Variants in SHROOM1 observed in about 807,000 individuals in gnomAD.
SHROOM1 encodes shroom family member 1.
SHROOM1 carries 53 observed loss-of-function variants against 64.2 expected under a neutral mutation model. The observed-to-expected ratio is 0.83, with a 90% CI of 0.66 to 1.04. The LOEUF (loss-of-function observed/expected upper bound fraction) is 1.04. SHROOM1 is among the 50% of genes least tolerant of loss of function. SHROOM1 has a pLI of 0.00. For synonymous variants in SHROOM1, 490 were observed against 518.9 expected (o/e 0.94, Z 0.76); for missense variants, 1,179 against 1,163.2 (o/e 1.01, Z -0.20).
rs558427750 is a variant in SHROOM1, at chr5:132,825,738, G to T, written c.403C>A (p.Pro135Thr). 3 of 1,264,084 alleles carry T rather than the reference G, an allele frequency of 2.4e-6. No homozygotes were observed. The allele number at this position is 1,264,084 out of a possible 1,614,324, so 78.3% of individuals were successfully genotyped here. ...AAQAAEPPSP[P>T]ASRAAYRQRL... ...TGGCGGTAGGCGGCCCTCGAGGCCG[G>T]CGGGCTGGGCGGCTCGGCAGCCTGC... Residue 135 changes from proline to threonine, a missense_variant, in exon 4 of 10, where the codon CCG becomes ACG. By Grantham distance (38) the Pro-to-Thr change is conservative. Coordinates refer to ENST00000378679, the MANE Select transcript of SHROOM1 (RefSeq NM_001172700.2). This position sits in a 1 kb window ranked among gnomAD's most constrained non-coding sequence, Gnocchi z 5.1.
In SHROOM1 at chr5:132,823,528, G is replaced by C; in HGVS notation, c.1954-6C>G. 3.1e-6 allele frequency: 5 copies of C among 1,596,502 alleles called. No homozygotes were observed. Among genetic ancestry groups the C allele is most frequent in the Non-Finnish European group, 4.3e-6 (5 of 1,167,526 alleles). On this transcript the variant is annotated splice_polypyrimidine_tract_variant and splice_region_variant and intron_variant, in intron 8 of 9. Transcript: ENST00000378679. The surrounding 1 kb of genome is among the most constrained non-coding windows in gnomAD (Gnocchi z 4.6). ...AGGCGGGCGGCCAGCTCCACCTACA[G>C]GGAAGGCTCAAGGCTGGGGCCAGGC...
In SHROOM1 at chr5:132,822,940, G is replaced by A; in HGVS notation, c.2415C>T (p.Asn805=). Residue 805 remains asparagine (N), a synonymous_variant, in exon 10 of 10, where the codon AAC becomes AAT. Coordinates refer to ENST00000378679, the MANE Select transcript of SHROOM1 (RefSeq NM_001172700.2). ...GKAAVLAQQR[N]LDERIRLLQD... ...GAAGGAGGCGGATGCGCTCGTCCAGGTTGCGCTGCTGGGCCAGGACGGCGG... is the reference window on the plus strand; with the variant it reads ...GAAGGAGGCGGATGCGCTCGTCCAGATTGCGCTGCTGGGCCAGGACGGCGG... The A allele has an allele frequency of 6.2e-7, 1 of 1,612,608 alleles. No homozygotes were observed. Among genetic ancestry groups the A allele is most frequent in the South Asian group, 1.1e-5 (1 of 91,084 alleles).
rs962231218 is a variant in SHROOM1 at position 132,823,108 on chromosome 5, G to A, written c.2247C>T (p.Leu749=). The A allele has an allele frequency of 1.3e-6, 2 of 1,577,110 alleles. No homozygotes were observed. The highest frequency in any genetic ancestry group is 2.3e-5 in the South Asian group (2 of 88,282). The change falls in exon 10 of 10, where the codon CTC becomes CTT. Residue 749 remains leucine (L), a synonymous_variant. Transcript: ENST00000378679. This position sits in a 1 kb window ranked among gnomAD's most constrained non-coding sequence, Gnocchi z 4.6. The stretch of plus-strand genomic sequence containing the variant: ...CCTCCTCCTGCCGCTGCAGGAGCCG[G>A]AGTCGCTGCAGCAGGGAGGCCTTGA... The part of the protein sequence containing the change: ...PDEQASLLQR[L]RLLQRQEEDA...
rs536705045 is a variant in SHROOM1, at chr5:132,824,680, T to C, written c.1176A>G (p.Glu392=). 1.2e-6 allele frequency: 2 copies of C among 1,614,008 alleles called. No individual in the cohort carries two copies. Among genetic ancestry groups the C allele is most frequent in the Admixed American group, 1.7e-5 (1 of 60,028 alleles). Residue 392 remains glutamate, a synonymous_variant, in exon 6 of 10, where the codon GAA becomes GAG. Coordinates refer to ENST00000378679, the MANE Select transcript of SHROOM1 (RefSeq NM_001172700.2). The part of the protein sequence containing the change: ...LPSLPDEVFL[E]EAPLVRMRSP... The stretch of plus-strand genomic sequence containing the variant: ...ATCTCATTCTGACCAGTGGGGCCTC[T>C]TCTAGGAACACTTCATCAGGAAGGG...
Position 132,825,526 on chromosome 5 carries a change from C to G in SHROOM1, c.615G>C (p.Ala205=). 1 of 1,462,128 alleles carries G rather than the reference C, an allele frequency of 6.8e-7. No individual in the cohort carries two copies. The highest frequency in any genetic ancestry group is 9.0e-7 in the Non-Finnish European group (1 of 1,114,932). 90.6% of individuals were successfully genotyped at this position (1,462,128 alleles called of 1,614,324 possible). A position where few individuals can be genotyped will look rare whatever the true frequency, so the allele number is the denominator to read the frequency against. ...GGGGACCCCGGCCGGCAGTTCCTGGCGCGGGAGCCCGGGAGCGCGCCGGCT... is the reference window on the plus strand; with the variant it reads ...GGGGACCCCGGCCGGCAGTTCCTGGGGCGGGAGCCCGGGAGCGCGCCGGCT... The part of the protein sequence containing the change: ...EGEPARSRAP[A]PGTAGRGPLA... The change falls in exon 4 of 10, where the codon GCG becomes GCC. Residue 205 remains alanine (A), a synonymous_variant. Transcript: ENST00000378679. This position sits in a 1 kb window ranked among gnomAD's most constrained non-coding sequence, Gnocchi z 5.1.
At position 132,830,615 on chromosome 5, in the gene SHROOM1, G is replaced by A; in HGVS notation, c.-522C>T. 4 of 985,160 alleles carry A rather than the reference G, an allele frequency of 4.1e-6. No homozygotes were observed. Among genetic ancestry groups the A allele is most frequent in the Non-Finnish European group, 4.8e-6 (4 of 829,828 alleles). 61.0% of individuals were successfully genotyped at this position (985,160 alleles called of 1,614,324 possible). Reference sequence around the variant, plus strand: ...GTACCTGAGGCTCCCGCCGAGACGCGCTCCTGGGCCGTCGCAGCCGCGCGG... The same window carrying A: ...GTACCTGAGGCTCCCGCCGAGACGCACTCCTGGGCCGTCGCAGCCGCGCGG... On this transcript the variant is annotated 5_prime_UTR_variant, in exon 1 of 10. Transcript: ENST00000378679. This position sits in a 1 kb window ranked among gnomAD's most constrained non-coding sequence, Gnocchi z 5.9.
chr5:132,828,558 C>T (rs1014876941), intron 1 of SHROOM1, among the ~76,000 whole-genome samples: 2 of 152,204 alleles, frequency 1.3e-5, no homozygotes, highest in African/African-American at 4.8e-5. Flanking sequence ...CTTGGGAGCA[C>T]TAGCTCATGT....
Position 132,823,338 on chromosome 5 carries a change from A to T in SHROOM1, c.2138T>A (p.Leu713His). ...ACTGCCCAGCAGCAGCAGAAGGCCAAGCACGCGCTCTAGGTCGGCCATGAA... is the reference window on the plus strand; with the variant it reads ...ACTGCCCAGCAGCAGCAGAAGGCCATGCACGCGCTCTAGGTCGGCCATGAA... ...SRFMADLERV[L>H]GLLLLLGSRL... The change falls in exon 9 of 10, where the codon CTT (leucine) becomes CAT (histidine). Residue 713 changes from leucine to histidine, a missense_variant. By Grantham distance (99) the Leu-to-His change is moderately conservative (BLOSUM62 -3). Transcript: ENST00000378679. The surrounding 1 kb of genome is among the most constrained non-coding windows in gnomAD (Gnocchi z 4.6). 2.5e-6 allele frequency: 4 copies of T among 1,606,088 alleles called. No homozygotes were observed. The highest frequency in any genetic ancestry group is 3.4e-6 in the Non-Finnish European group (4 of 1,179,588).
At chr5:132,824,481 A>G in intron 6 of SHROOM1, 62 bp from the exon 7 acceptor site, 1 of 1,518,482 alleles carries the variant, frequency 6.6e-7, no homozygotes, top group South Asian at 1.3e-5. Context: ...GGTGGCCTCC[A>G]AGGGCCATCT....
In SHROOM1 at chr5:132,824,100, T is replaced by C. The variant is rs145153152; in HGVS notation, c.1561A>G (p.Asn521Asp). ...CCAGTGCCCCTGGCTAGGGCAGTAT[T>C]GTGAGAGGGACCTGGAGTATCATTG... The part of the protein sequence containing the change: ...SGNDTPGPSH[N>D]TALARGTGQP... Residue 521 changes from asparagine (N) to aspartate (D), a missense_variant, in exon 7 of 10, where the codon AAT (asparagine) becomes GAT (aspartate). Transcript: ENST00000378679. 11 of 1,613,954 alleles carry C rather than the reference T, an allele frequency of 6.8e-6. No individual in the cohort carries two copies. Among genetic ancestry groups the C allele is most frequent in the Non-Finnish European group, 9.3e-6 (11 of 1,180,012 alleles).
rs1758716515 is a variant in SHROOM1, at chr5:132,826,756, A to G, written c.-353-169T>C. The G allele has an allele frequency of 2.0e-5, 3 of 152,264 alleles. No homozygotes were observed. In the South Asian group the frequency reaches 6.2e-4, roughly 31 times the overall value. The allele number at this position is 152,264 out of a possible 1,614,324, so 9.4% of individuals were successfully genotyped here. ...ATAAATATTTATTTTGATCGTTGCA[A>G]CTGCTGTCTGCATTTTACAGACAAG... On this transcript the variant is annotated intron_variant, in intron 2 of 9. Transcript: ENST00000378679.
Position 132,823,114 on chromosome 5 carries a change from C to G in SHROOM1, c.2241G>C (p.Gln747His). 1 of 1,571,628 alleles carries G rather than the reference C, an allele frequency of 6.4e-7. No individual in the cohort carries two copies. Among genetic ancestry groups the G allele is most frequent in the South Asian group, 1.1e-5 (1 of 87,486 alleles). The change falls in exon 10 of 10, where the codon CAG (glutamine) becomes CAC (histidine). Residue 747 changes from glutamine (Q) to histidine (H), a missense_variant. Coordinates refer to ENST00000378679, the MANE Select transcript of SHROOM1 (RefSeq NM_001172700.2). The surrounding 1 kb of genome is among the most constrained non-coding windows in gnomAD (Gnocchi z 4.6). Reference protein sequence around the residue: ...SDPDEQASLLQRLRLLQRQEE... With the variant: ...SDPDEQASLLHRLRLLQRQEE... Reference sequence around the variant, plus strand: ...CCTGCCGCTGCAGGAGCCGGAGTCGCTGCAGCAGGGAGGCCTTGAGCCGCA... The same window carrying G: ...CCTGCCGCTGCAGGAGCCGGAGTCGGTGCAGCAGGGAGGCCTTGAGCCGCA...
At position 132,825,609 on chromosome 5, in the gene SHROOM1, G is replaced by T; in HGVS notation, c.532C>A (p.Arg178=). The T allele has an allele frequency of 7.3e-7, 1 of 1,365,676 alleles. No individual in the cohort carries two copies. Among genetic ancestry groups the T allele is most frequent in the African/African-American group, 1.5e-5 (1 of 64,996 alleles). The allele number at this position is 1,365,676 out of a possible 1,614,324, so 84.6% of individuals were successfully genotyped here. The change falls in exon 4 of 10, where the codon CGG becomes AGG. Residue 178 remains arginine (R), a synonymous_variant. Transcript: ENST00000378679. This position sits in a 1 kb window ranked among gnomAD's most constrained non-coding sequence, Gnocchi z 5.1. ...GAGCGCGGGTGAGTCGCCGGGGGCC[G>T]CGCTGGGACAGTGGGCCGCAGACGG... ...PARLRPTVPA[R]PPATHPRSAS...
Position 132,825,374 on chromosome 5 carries a change from T to C in SHROOM1, c.767A>G (p.Glu256Gly). 1 of 1,598,186 alleles carries C rather than the reference T, an allele frequency of 6.3e-7. No homozygotes were observed. The highest frequency in any genetic ancestry group is 8.5e-7 in the Non-Finnish European group (1 of 1,178,808). ...CGCCGGATGCTGGAACTCCAAGGGC[T>C]CGGGCCCAGGGAGGCCAGAGCTGGA... ...ACSSSGLPGP[E>G]PLEFQHPALA... Residue 256 changes from glutamate (E) to glycine (G), a missense_variant, in exon 4 of 10, where the codon GAG becomes GGG. Coordinates refer to ENST00000378679, the MANE Select transcript of SHROOM1 (RefSeq NM_001172700.2). This position sits in a 1 kb window ranked among gnomAD's most constrained non-coding sequence, Gnocchi z 5.1.
chr5:132,827,356 C>T (rs1452404268), intron 2 of SHROOM1, 105 bp downstream of exon 2: 4 of 152,532 alleles, frequency 2.6e-5, no homozygotes, highest in African/African-American at 4.8e-5. Flanking sequence ...GTGGCTCACG[C>T]CTGTAATCCC....
rs115274538 is a variant in SHROOM1 at position 132,829,547 on chromosome 5, G to A, written c.-501+1047C>T. On this transcript the variant is annotated intron_variant, in intron 1 of 9. Coordinates refer to ENST00000378679, the MANE Select transcript of SHROOM1 (RefSeq NM_001172700.2). ...AGATCCAAGTAAGGCGACCGAGGAG[G>A]CACAGGAGAACGGACAGCCTCAAAT... 1.7e-3 allele frequency: 1,707 copies of A among 978,862 alleles called. 28 individuals are homozygous for A. In the African/African-American group the frequency reaches 0.027, roughly 16 times the overall value. 60.6% of individuals were successfully genotyped at this position (978,862 alleles called of 1,614,324 possible).
chr5:132,825,943 A>C lies in SHROOM1; in HGVS notation c.198T>G (p.Val66=), dbSNP rs766607602. The C allele has an allele frequency of 7.1e-7, 1 of 1,414,638 alleles. No homozygotes were observed. Among genetic ancestry groups the C allele is most frequent in the Admixed American group, 3.1e-5 (1 of 32,228 alleles). The allele number at this position is 1,414,638 out of a possible 1,614,324, so 87.6% of individuals were successfully genotyped here. The change falls in exon 4 of 10, where the codon GTT becomes GTG. Residue 66 remains valine, a synonymous_variant. Transcript: ENST00000378679. This position sits in a 1 kb window ranked among gnomAD's most constrained non-coding sequence, Gnocchi z 5.1. ...GCGGGGCGGGGCCCGGGCCGCCCCA[A>C]ACCACACGCACGTAGTCCCAGTCTA... The part of the protein sequence containing the change: ...PYLDWDYVRV[V]WGGPGPAPPD...
Position 132,824,208 on chromosome 5 carries a change from T to C in SHROOM1, c.1453A>G (p.Thr485Ala), listed in dbSNP as rs1222064783. ...ANDNIPTIDP[T>A]GLTTNPPTAA... ...GTGGGGGGATTGGTGGTCAGTCCAG[T>C]GGGGTCAATAGTTGGGATGTTATCA... The change falls in exon 7 of 10, where the codon ACT (threonine) becomes GCT (alanine). Residue 485 changes from threonine to alanine, a missense_variant. By Grantham distance (58) the Thr-to-Ala change is moderately conservative (BLOSUM62 0). Transcript: ENST00000378679. 2 of 1,614,024 alleles carry C rather than the reference T, an allele frequency of 1.2e-6. No individual in the cohort carries two copies. The highest frequency in any genetic ancestry group is 2.7e-5 in the African/African-American group (2 of 74,894).
chr5:132,823,568 C>A lies in SHROOM1; in HGVS notation c.1954-46G>T, dbSNP rs1758534411. On this transcript the variant is annotated intron_variant, in intron 8 of 9. Coordinates refer to ENST00000378679, the MANE Select transcript of SHROOM1 (RefSeq NM_001172700.2). This position sits in a 1 kb window ranked among gnomAD's most constrained non-coding sequence, Gnocchi z 4.6. ...TGGGGCCAGGCTCATGACTTCCCTG[C>A]CCAGGCTCTGGGCTCCTACCCACCC... 3.2e-6 allele frequency: 5 copies of A among 1,568,888 alleles called. No homozygotes were observed. Among genetic ancestry groups the A allele is most frequent in the Non-Finnish European group, 4.3e-6 (5 of 1,154,116 alleles).
Sources: allele counts gnomAD v4.1 joint callset (sites outside exome capture counted in the v4.1 genomes callset), GRCh38; gene constraint gnomAD v4.1.1; non-coding constraint Gnocchi (gnomAD v3.1); transcripts MANE v1.5; gene names NCBI Gene and HGNC (gene_info 2026-07-23, HGNC 2026-07-21).